The following DOCK3 variants were observed in gnomAD, a reference collection of about 807,000 sequenced individuals.
DOCK3 encodes the protein dedicator of cytokinesis 3.
Under a neutral mutation model 265.6 loss-of-function variants are expected in DOCK3, and 60 were observed. The ratio of observed to expected loss-of-function variants is 0.23; its 90% CI spans 0.18 to 0.28. DOCK3 has a LOEUF of 0.28. DOCK3 is among the 10% of genes least tolerant of loss of function. DOCK3 has a pLI of 1.00. For missense variants in DOCK3, 1,981 were observed against 2,594.3 expected (o/e 0.76, Z 5.14); for synonymous variants, 881 against 938.0 (o/e 0.94, Z 1.11).
At chr3:51,270,690 C>T in intron 23 of DOCK3, 125 bp from the exon 24 acceptor site, 2 of 969,480 alleles carry the variant, frequency 2.1e-6, no homozygotes, top group Non-Finnish European at 3.0e-6. Flanking sequence ...CAGGGAGGAG[C>T]CCACCGAAGG....
chr3:50,877,816 G>A (rs1351138989), intron 3 of DOCK3, among the ~76,000 whole-genome samples: 1 of 152,064 alleles, frequency 6.6e-6, no homozygotes, highest in African/African-American at 2.4e-5. Context: ...TGGGATTACA[G>A]GCCTGCACCA....
chr3:50,735,893 G>A (rs1341479417), intron 1 of DOCK3, among the ~76,000 whole-genome samples: 1 of 152,104 alleles, frequency 6.6e-6, no homozygotes, highest in Non-Finnish European at 1.5e-5. Flanking sequence ...CATAGCAGGA[G>A]CAGGCATCTT....
intron 5 of DOCK3, among the ~76,000 whole-genome samples, chr3:51,018,509 G>T (rs1199909093): frequency 6.6e-6 from 1 of 150,622 alleles, no homozygotes; most frequent in Non-Finnish European, 1.5e-5. Context: ...GGCCATTTGG[G>T]TATATCAGTA....
At chr3:51,002,688 A>C (rs2078530806) in intron 5 of DOCK3, among the ~76,000 whole-genome samples, 1 of 152,184 alleles carries the variant, frequency 6.6e-6, no homozygotes, top group South Asian at 2.1e-4. Flanking sequence ...GAACTTTGAC[A>C]AATTCAATTT....
intron 21 of DOCK3, among the ~76,000 whole-genome samples, chr3:51,244,865 A>C (rs766541584): frequency 6.6e-6 from 1 of 152,190 alleles, no homozygotes. Context: ...CTATACTTCT[A>C]CTTCTAGGAA....
chr3:51,186,114 G>A lies in DOCK3; in HGVS notation c.1038-22660G>A, dbSNP rs138481666. Among the ~76,000 whole-genome samples, 726 of 152,314 alleles carry A rather than the reference G, an allele frequency of 4.8e-3. 4 individuals are homozygous for A. Among genetic ancestry groups the A allele is most frequent in the Non-Finnish European group, 7.6e-3 (515 of 68,024 alleles). On this transcript the variant is annotated intron_variant, in intron 12 of 52. Coordinates refer to ENST00000266037, the MANE Select transcript of DOCK3 (RefSeq NM_004947.5). ...AAGACAGGAAAATGCGGGAAAGTTT[G>A]AAACTTCCTGTAGACTTGTTGAATG...
Position 51,324,080 on chromosome 3 carries a change from T to A in DOCK3, c.3403-6058T>A, listed in dbSNP as rs181872638. ...GTATTGGAAGTTCTGGCCAGGGCAA[T>A]CAGGCAAGATAAAGAAATAAAGGGT... On this transcript the variant is annotated intron_variant, in intron 32 of 52. Transcript: ENST00000266037. Among the ~76,000 whole-genome samples the A allele has an allele frequency of 3.9e-5, 6 of 152,244 alleles. No homozygotes were observed. In the East Asian group the frequency reaches 1.2e-3, roughly 29 times the overall value.
intron 27 of DOCK3, among the ~76,000 whole-genome samples, chr3:51,297,129 A>C (rs1343744977): frequency 6.6e-6 from 1 of 151,386 alleles, no homozygotes; most frequent in East Asian, 1.9e-4. Context: ...AAAAAAAAAA[A>C]AAAAAAAAAA....
At chr3:50,792,284 A>G (rs1009447552) in intron 2 of DOCK3, among the ~76,000 whole-genome samples, 4 of 152,062 alleles carry the variant, frequency 2.6e-5, no homozygotes, top group African/African-American at 2.4e-5. Flanking sequence ...TAGGAACTCT[A>G]GTGATTTTTG....
chr3:51,188,563 C>T (rs778463738), intron 12 of DOCK3, among the ~76,000 whole-genome samples: 1 of 152,130 alleles, frequency 6.6e-6, no homozygotes, highest in African/African-American at 2.4e-5. Context: ...ATCCTTTAAT[C>T]CAGTTGTCTT....
chr3:50,717,980 T>C (rs983136337), intron 1 of DOCK3, among the ~76,000 whole-genome samples: 22 of 152,224 alleles, frequency 1.4e-4, no homozygotes, highest in Admixed American at 5.2e-4. Flanking sequence ...ACTTGGTTTG[T>C]GTTATATTAA....
chr3:51,357,371 G>A (rs2086434232), intron 44 of DOCK3, among the ~76,000 whole-genome samples: 1 of 152,184 alleles, frequency 6.6e-6, no homozygotes, highest in Non-Finnish European at 1.5e-5. Flanking sequence ...TGGGTAATCT[G>A]TAATCCTGAT....
At chr3:50,729,824 ATTT>A (rs60842906) in intron 1 of DOCK3, among the ~76,000 whole-genome samples, 9,323 of 108,602 alleles carry the variant, frequency 0.086, 446 homozygotes, top group East Asian at 0.3. Flanking sequence ...TCTGAATTTC[ATTT>A]TTTTTTTTTT....
intron 22 of DOCK3, among the ~76,000 whole-genome samples, chr3:51,249,617 G>C (rs1226152613): frequency 8.8e-5 from 9 of 102,134 alleles, no homozygotes; most frequent in Non-Finnish European, 1.6e-4. Flanking sequence ...TCAGCCCCCC[G>C]CCCGGCCAGC....
rs2047925354 is a variant in DOCK3 at position 50,879,705 on chromosome 3, A to G, written c.163-10321A>G. Reference sequence around the variant, plus strand: ...GGGAGACTTTTAACACCCCACTGTCAACATTAGACAGATCAACGAGACAGA... The same window carrying G: ...GGGAGACTTTTAACACCCCACTGTCGACATTAGACAGATCAACGAGACAGA... On this transcript the variant is annotated intron_variant, in intron 3 of 52. Coordinates refer to ENST00000266037, the MANE Select transcript of DOCK3 (RefSeq NM_004947.5). Among the ~76,000 whole-genome samples the G allele has an allele frequency of 2.6e-5, 4 of 152,208 alleles. No homozygotes were observed. The South Asian group carries it at 8.3e-4, about 32-fold the overall frequency.
rs2086088257 is a variant in DOCK3 at position 51,160,803 on chromosome 3, G to GCAGT, written c.1037+102_1037+105dup. 2.1e-6 allele frequency: 3 copies of GCAGT among 1,408,806 alleles called. No individual in the cohort carries two copies. The South Asian group carries it at 4.4e-5, about 21-fold the overall frequency. 87.3% of individuals were successfully genotyped at this position (1,408,806 alleles called of 1,614,324 possible). On this transcript the variant is annotated intron_variant, in intron 12 of 52. Coordinates refer to ENST00000266037, the MANE Select transcript of DOCK3 (RefSeq NM_004947.5). ...CTCAAACCTTGTGGACACAGGCCAC[G>GCAGT]CAGTGGCTCACGCCTGTATTCCCAA... is the stretch of plus-strand genomic sequence containing the variant.
At chr3:50,754,684 C>CA (rs1459117377) in intron 1 of DOCK3, among the ~76,000 whole-genome samples, 3 of 151,798 alleles carry the variant, frequency 2.0e-5, no homozygotes, top group African/African-American at 4.8e-5. Flanking sequence ...CTAAGCCTCC[C>CA]AAGTAGCTGG....
intron 4 of DOCK3, among the ~76,000 whole-genome samples, chr3:50,932,278 C>T (rs2108150622): frequency 6.6e-6 from 1 of 152,224 alleles, no homozygotes; most frequent in Middle Eastern, 3.4e-3. Context: ...TTCATTGATG[C>T]TCAATTTTAC....
chr3:51,368,066 G>A (rs985228850), intron 49 of DOCK3, among the ~76,000 whole-genome samples: 1 of 152,214 alleles, frequency 6.6e-6, no homozygotes, highest in Non-Finnish European at 1.5e-5. Flanking sequence ...AGTTCTCCTG[G>A]ATAATATCCT....
Sources: gnomAD v4.1 joint callset for allele counts (sites outside exome capture counted in the v4.1 genomes callset) on GRCh38, gnomAD v4.1.1 for gene constraint, MANE v1.5 for transcripts, NCBI Gene and HGNC (gene_info 2026-07-23, HGNC 2026-07-21) for gene names.